The following AHNAK variants were observed in gnomAD, a reference collection of about 807,000 sequenced individuals.
The protein encoded by AHNAK is neuroblast differentiation-associated protein AHNAK.
A neutral mutation model predicts 37.8 loss-of-function variants in AHNAK; 23 were observed. The ratio of observed to expected loss-of-function variants is 0.61; its 90% CI spans 0.44 to 0.86. AHNAK has a LOEUF of 0.86. Among genes scored for constraint, AHNAK ranks in the 40% least tolerant of loss-of-function variants. The probability of loss-of-function intolerance (pLI) is 0.00; values close to 1 mark genes in which losing one functional copy is unlikely to be tolerated. For synonymous variants in AHNAK, 2,481 were observed against 2,636.3 expected (o/e 0.94, Z 1.80); for missense variants, 7,411 against 7,319.4 (o/e 1.01, Z -0.46).
At position 62,516,838 on chromosome 11, in the gene AHNAK, G is replaced by A; in HGVS notation, c.17579C>T (p.Ser5860Phe). Residue 5860 changes from serine (S) to phenylalanine (F), a missense_variant, in exon 5 of 5, where the codon TCC becomes TTC. Physicochemically the swap from Ser to Phe is radical, Grantham distance 155 (BLOSUM62 -2). Coordinates refer to ENST00000378024, the MANE Select transcript of AHNAK (RefSeq NM_001620.3). ...ATTGCTAGAAGAGGAGGACAGTCGG[G>A]ACTTCTTAGAGGCCAGGGACACCCC... The part of the protein sequence containing the change: ...GSGVSLASKK[S>F]RLSSSSSNDS... 1.2e-6 allele frequency: 2 copies of A among 1,614,152 alleles called. No homozygotes were observed. The highest frequency in any genetic ancestry group is 1.7e-6 in the Non-Finnish European group (2 of 1,180,024).
At chr11:62,543,805 G>T (rs1941208976) in intron 1 of AHNAK, among the ~76,000 whole-genome samples, 1 of 152,186 alleles carries the variant, frequency 6.6e-6, no homozygotes, top group South Asian at 2.1e-4. Flanking sequence ...CGCCCAAGCA[G>T]CACATTCTAA....
intron 4 of AHNAK, among the ~76,000 whole-genome samples, chr11:62,494,360 C>T (rs1187110341): frequency 6.6e-6 from 1 of 151,914 alleles, no homozygotes; most frequent in Admixed American, 6.6e-5. Context: ...TCCAAATAAC[C>T]ACAGAAGGAA....
downstream of AHNAK, chr11:62,515,790 C>T (rs1940000223): frequency 4.0e-6 from 3 of 754,828 alleles, no homozygotes; most frequent in South Asian, 1.0e-4. Context: ...CTTAAAGTCA[C>T]TGATGAAACT....
rs375760450 is a variant in AHNAK at position 62,536,014 on chromosome 11, C to G, written c.85G>C (p.Asp29His). The G allele has an allele frequency of 6.2e-7, 1 of 1,613,012 alleles. No homozygotes were observed. The highest frequency in any genetic ancestry group is 8.5e-7 in the Non-Finnish European group (1 of 1,179,482). ...GSHGLTIAQR[D>H]DGVFVQEVTQ... is the part of the protein sequence containing the mutation. ...ACCTCCTGCACAAAGACGCCGTCGT[C>G]CCTCTGGGCGATGGTCAGCCCGTGG... The change falls in exon 3 of 5, where the codon GAC (aspartate) becomes CAC (histidine). Residue 29 changes from aspartate to histidine, a missense_variant. Physicochemically the swap from Asp to His is moderately conservative, Grantham distance 81. Transcript: ENST00000378024.
chr11:62,454,316 G>C (rs984993856), intron 5 of AHNAK, among the ~76,000 whole-genome samples: 2 of 151,286 alleles, frequency 1.3e-5, no homozygotes, highest in Non-Finnish European at 2.9e-5. Context: ...GGGAGGCCGA[G>C]GCAGGAGAAT....
chr11:62,521,460 C>T lies in AHNAK; in HGVS notation c.12957G>A (p.Val4319=). The T allele has an allele frequency of 6.2e-7, 1 of 1,612,794 alleles. No homozygotes were observed. Residue 4319 remains valine (V), a synonymous_variant, in exon 5 of 5, where the codon GTG becomes GTA. Coordinates refer to ENST00000378024, the MANE Select transcript of AHNAK (RefSeq NM_001620.3). ...CTGGCATGCTGAATTTGGGCATTTT[C>T]ACCTTGGGCATCTTCAGGTGCCAGT... ...GPDWHLKMPK[V]KMPKFSMPGF...
chr11:62,475,977 T>G (rs1939138287), intron 5 of AHNAK, among the ~76,000 whole-genome samples: 1 of 152,218 alleles, frequency 6.6e-6, no homozygotes, highest in Non-Finnish European at 1.5e-5. Flanking sequence ...GTTTATTTTA[T>G]GTTTATTTTA....
chr11:62,530,377 T>G lies in AHNAK; in HGVS notation c.4040A>C (p.Glu1347Ala). The G allele has an allele frequency of 6.2e-7, 1 of 1,614,086 alleles. No homozygotes were observed. The highest frequency in any genetic ancestry group is 8.5e-7 in the Non-Finnish European group (1 of 1,180,030). Residue 1347 changes from glutamate (E) to alanine (A), a missense_variant, in exon 5 of 5, where the codon GAG becomes GCG. Coordinates refer to ENST00000378024, the MANE Select transcript of AHNAK (RefSeq NM_001620.3). ...TGGCACTTTCATTTCACCTTCTACC[T>G]CAGGCAAGGACACATCCACATCTCC... is the stretch of plus-strand genomic sequence containing the variant. ...LKGDVDVSLP[E>A]VEGEMKVPDV...
intron 4 of AHNAK, among the ~76,000 whole-genome samples, chr11:62,505,442 AC>A (rs758800535): frequency 2.6e-5 from 4 of 152,016 alleles, no homozygotes; most frequent in Non-Finnish European, 5.9e-5. Flanking sequence ...ATGGGGGTTC[AC>A]CAGGTATCAT....
In AHNAK at chr11:62,524,607, A is replaced by G; in HGVS notation, c.9810T>C (p.His3270=). 2 of 1,614,122 alleles carry G rather than the reference A, an allele frequency of 1.2e-6. No homozygotes were observed. The highest frequency in any genetic ancestry group is 1.7e-6 in the Non-Finnish European group (2 of 1,180,030). Residue 3270 remains histidine, a synonymous_variant, in exon 5 of 5, where the codon CAT becomes CAC. Transcript: ENST00000378024. The part of the protein sequence containing the change: ...IDVDAPDIDI[H]GPDAKLKGPK... ...GACCTTTTAATTTGGCATCTGGGCCATGAATGTCAATATCTGGAGCATCTA... is the reference window on the plus strand; with the variant it reads ...GACCTTTTAATTTGGCATCTGGGCCGTGAATGTCAATATCTGGAGCATCTA...
chr11:62,535,948 C>T lies in AHNAK; in HGVS notation c.151G>A (p.Glu51Lys), dbSNP rs1441160898. Residue 51 changes from glutamate to lysine, a missense_variant, in exon 3 of 5, where the codon GAG (glutamate) becomes AAG (lysine). Glu to Lys is a moderately conservative substitution (Grantham distance 56). Transcript: ENST00000378024. Reference sequence around the variant, plus strand: ...TCCACACCCTGGGGTGACTCACCCTCCTTGACCACCCCAGTGCGGGCCGCA... The same window carrying T: ...TCCACACCCTGGGGTGACTCACCCTTCTTGACCACCCCAGTGCGGGCCGCA... ...SPAARTGVVK[E>K]GDQIVGATIY... The T allele has an allele frequency of 6.2e-7, 1 of 1,610,296 alleles. No homozygotes were observed. Among genetic ancestry groups the T allele is most frequent in the Non-Finnish European group, 8.5e-7 (1 of 1,179,058 alleles).
chr11:62,483,259 A>G (rs1361142594), intron 5 of AHNAK, among the ~76,000 whole-genome samples: 2 of 152,338 alleles, frequency 1.3e-5, no homozygotes, highest in East Asian at 3.9e-4. Context: ...TGAATCAATC[A>G]GTTCAGAGCT....
At chr11:62,454,301 T>C (rs185871428) in intron 5 of AHNAK, among the ~76,000 whole-genome samples, 1 of 149,334 alleles carries the variant, frequency 6.7e-6, no homozygotes, top group African/African-American at 2.5e-5. Context: ...TAGTCCCAGC[T>C]ACCCGGGAGG....
chr11:62,437,420 A>G (rs1275302750), intron 5 of AHNAK, among the ~76,000 whole-genome samples: 1 of 148,414 alleles, frequency 6.7e-6, no homozygotes, highest in Non-Finnish European at 1.5e-5. Context: ...CAATGGTGCA[A>G]TCTCAGCCAC....
At position 62,529,263 on chromosome 11, in the gene AHNAK, G is replaced by T; in HGVS notation, c.5154C>A (p.Pro1718=). Residue 1718 remains proline (P), a synonymous_variant, in exon 5 of 5, where the codon CCC becomes CCA. Transcript: ENST00000378024. ...CTTTGAAGCCAGGCATACTGAACTTGGGCATTTTCATCTTGGGCATTTTCA... is the reference window on the plus strand; with the variant it reads ...CTTTGAAGCCAGGCATACTGAACTTTGGCATTTTCATCTTGGGCATTTTCA... ...WHLKMPKMKM[P]KFSMPGFKAE... The T allele has an allele frequency of 6.2e-7, 1 of 1,614,124 alleles. No homozygotes were observed. Among genetic ancestry groups the T allele is most frequent in the South Asian group, 1.1e-5 (1 of 91,072 alleles).
rs1259457678 is a variant in AHNAK, at chr11:62,531,624, G to A, written c.2793C>T (p.Gly931=). 1 of 1,611,160 alleles carries A rather than the reference G, an allele frequency of 6.2e-7. No homozygotes were observed. Among genetic ancestry groups the A allele is most frequent in the African/African-American group, 1.4e-5 (1 of 73,906 alleles). The part of the protein sequence containing the change: ...NIEGPEGKLK[G]PKFKMPEMNI... ...TCATCTCTGGCATCTTGAACTTGGG[G>A]CCCTTCAGCTTTCCTTCAGGTCCTT... Residue 931 remains glycine (G), a synonymous_variant, in exon 5 of 5, where the codon GGC becomes GGT. Transcript: ENST00000378024.
chr11:62,521,327 G>A lies in AHNAK; in HGVS notation c.13090C>T (p.Pro4364Ser). 1 of 1,613,622 alleles carries A rather than the reference G, an allele frequency of 6.2e-7. No homozygotes were observed. Reference protein sequence around the residue: ...IDAPDVSIEGPDAKLKGPKFK... With the variant: ...IDAPDVSIEGSDAKLKGPKFK... ...TTTGGACCCTTGAGTTTTGCATCTG[G>A]ACCTTCGATACTGACATCAGGGGCA... Residue 4364 changes from proline to serine, a missense_variant, in exon 5 of 5, where the codon CCA (proline) becomes TCA (serine). Pro to Ser is a moderately conservative substitution (Grantham distance 74). Transcript: ENST00000378024.
At position 62,523,589 on chromosome 11, in the gene AHNAK, A is replaced by G. The variant is rs781122493; in HGVS notation, c.10828T>C (p.Phe3610Leu). The change falls in exon 5 of 5, where the codon TTC becomes CTC. Residue 3610 changes from phenylalanine (F) to leucine (L), a missense_variant. Phe to Leu is a conservative substitution (Grantham distance 22, BLOSUM62 0). Coordinates refer to ENST00000378024, the MANE Select transcript of AHNAK (RefSeq NM_001620.3). ...TCTCCTTTGAAGCCAGGCATGCTGA[A>G]CTTGGGCATTTTCACTTTGGGCATC... ...LKMPKVKMPK[F>L]SMPGFKGEGP... 1 of 1,614,006 alleles carries G rather than the reference A, an allele frequency of 6.2e-7. No individual in the cohort carries two copies. Among genetic ancestry groups the G allele is most frequent in the South Asian group, 1.1e-5 (1 of 91,060 alleles).
At chr11:62,446,667 C>T (rs1309832238) in intron 5 of AHNAK, among the ~76,000 whole-genome samples, 1 of 152,020 alleles carries the variant, frequency 6.6e-6, no homozygotes, top group Non-Finnish European at 1.5e-5. Flanking sequence ...GTTTTGTCAT[C>T]CACCTTCCTG....
Sources: gnomAD v4.1 joint callset for allele counts (sites outside exome capture counted in the v4.1 genomes callset) on GRCh38, gnomAD v4.1.1 for gene constraint, MANE v1.5 for transcripts, NCBI Gene and HGNC (gene_info 2026-07-23, HGNC 2026-07-21) for gene names.